PDZRN4: variants seen among roughly 807,000 people sequenced by gnomAD.
The protein encoded by PDZRN4 is PDZ domain containing ring finger 4.
Under a neutral mutation model 99.0 loss-of-function variants are expected in PDZRN4, and 70 were observed. The observed-to-expected ratio is 0.71, with a 90% CI of 0.58 to 0.86. PDZRN4 has a LOEUF of 0.86. PDZRN4 is among the 40% of genes least tolerant of loss of function. The pLI, the probability that PDZRN4 is intolerant of heterozygous loss-of-function variation, is 0.00. For missense variants in PDZRN4, 1,474 were observed against 1,331.2 expected (o/e 1.11, Z -1.67); for synonymous variants, 551 against 501.6 (o/e 1.10, Z -1.32).
intron 3 of PDZRN4, among the ~76,000 whole-genome samples, chr12:41,371,350 TG>T (rs1478066543): frequency 6.6e-6 from 1 of 151,948 alleles, no homozygotes; most frequent in Non-Finnish European, 1.5e-5. Context: ...TTTACATTAT[TG>T]TTTCATTGTT....
intron 3 of PDZRN4, chr12:41,437,737 G>A (rs1485652652): frequency 6.8e-7 from 1 of 1,469,296 alleles, no homozygotes; most frequent in Non-Finnish European, 8.9e-7. Context: ...ATCCGTGAGT[G>A]CAAGATACTT....
chr12:41,411,460 G>C (rs1017188121), intron 3 of PDZRN4: 2 of 152,144 alleles, frequency 1.3e-5, no homozygotes, highest in Non-Finnish European at 2.9e-5. Context: ...TTGCACCTGT[G>C]AGTGAGAACT....
chr12:41,338,029 G>T (rs1210989047), intron 3 of PDZRN4, among the ~76,000 whole-genome samples: 1 of 152,058 alleles, frequency 6.6e-6, no homozygotes, highest in Non-Finnish European at 1.5e-5. Context: ...AAGCAGCTGG[G>T]ACTACATGTG....
chr12:41,203,751 A>G (rs1438525998), intron 3 of PDZRN4, among the ~76,000 whole-genome samples: 1 of 152,034 alleles, frequency 6.6e-6, no homozygotes, highest in Non-Finnish European at 1.5e-5. Context: ...TAAGAATTAT[A>G]TAAGTGATTC....
chr12:41,552,893 T>C, intron 6 of PDZRN4, 139 bp downstream of exon 6: 1 of 592,528 alleles, frequency 1.7e-6, no homozygotes, highest in South Asian at 2.1e-5. Context: ...ACGTGTCACC[T>C]TCAATTAGGA....
chr12:41,224,233 T>TG (rs113726514), intron 3 of PDZRN4, among the ~76,000 whole-genome samples: 3,710 of 152,302 alleles, frequency 0.024, 113 homozygotes, highest in African/African-American at 0.072. Context: ...GCACTTGAGT[T>TG]GGGCTTTTAT....
chr12:41,349,244 A>G (rs1362220234), intron 3 of PDZRN4, among the ~76,000 whole-genome samples: 2 of 151,796 alleles, frequency 1.3e-5, no homozygotes, highest in African/African-American at 4.8e-5. Context: ...ACTTCTTTTC[A>G]CTGTATTATT....
intron 5 of PDZRN4, among the ~76,000 whole-genome samples, chr12:41,533,088 C>A (rs923844819): frequency 6.6e-6 from 1 of 151,812 alleles, no homozygotes; most frequent in African/African-American, 2.4e-5. Flanking sequence ...CTAATTCTGT[C>A]ATTTTTTTTT....
intron 3 of PDZRN4, among the ~76,000 whole-genome samples, chr12:41,215,000 T>C (rs973102258): frequency 1.2e-4 from 19 of 152,100 alleles, no homozygotes; most frequent in Admixed American, 2.6e-4. Flanking sequence ...GTGAGATATA[T>C]TTGTGAAATT....
At chr12:41,207,975 A>G (rs181938404) in intron 3 of PDZRN4, among the ~76,000 whole-genome samples, 6 of 151,930 alleles carry the variant, frequency 3.9e-5, no homozygotes, top group Admixed American at 1.3e-4. Flanking sequence ...TCAATGAAAT[A>G]TAGTGATCAT....
chr12:41,424,008 T>C (rs948781791), intron 3 of PDZRN4, among the ~76,000 whole-genome samples: 3 of 152,160 alleles, frequency 2.0e-5, no homozygotes, highest in African/African-American at 7.2e-5. Context: ...CTCATATGGC[T>C]CCATTACTCT....
At chr12:41,252,921 A>T (rs1339917869) in intron 3 of PDZRN4, among the ~76,000 whole-genome samples, 1 of 152,186 alleles carries the variant, frequency 6.6e-6, no homozygotes, top group Non-Finnish European at 1.5e-5. Context: ...ATATATACTT[A>T]AAATGGGTAT....
chr12:41,376,518 AT>A (rs1565566072), intron 3 of PDZRN4, among the ~76,000 whole-genome samples: 2 of 152,104 alleles, frequency 1.3e-5, no homozygotes, highest in African/African-American at 4.8e-5. Context: ...CTGGCCATCC[AT>A]ATGTCTTCTT....
intron 3 of PDZRN4, among the ~76,000 whole-genome samples, chr12:41,446,630 T>C (rs192172475): frequency 3.2e-4 from 48 of 151,892 alleles, no homozygotes; most frequent in South Asian, 2.1e-3. Flanking sequence ...TGCTAGATAG[T>C]AACACAGGAC....
chr12:41,551,188 C>CTG (rs1939047519), intron 5 of PDZRN4, among the ~76,000 whole-genome samples: 2 of 151,936 alleles, frequency 1.3e-5, no homozygotes, highest in African/African-American at 4.8e-5. Flanking sequence ...TCATAGAGGT[C>CTG]ACCTTCTCAC....
intron 3 of PDZRN4, among the ~76,000 whole-genome samples, chr12:41,276,434 G>A (rs1341568494): frequency 6.6e-6 from 1 of 151,754 alleles, no homozygotes; most frequent in Non-Finnish European, 1.5e-5. Context: ...GATAGACCTG[G>A]GGATTATTTT....
chr12:41,283,063 CA>C (rs1184445074), intron 3 of PDZRN4, among the ~76,000 whole-genome samples: 8 of 145,914 alleles, frequency 5.5e-5, no homozygotes, highest in Non-Finnish European at 7.5e-5. Flanking sequence ...GAAAACCCTC[CA>C]AAAAAATCAA....
chr12:41,557,862 T>C lies in PDZRN4; in HGVS notation c.1365+2102T>C, dbSNP rs73113958. On this transcript the variant is annotated intron_variant, in intron 7 of 9. Coordinates refer to ENST00000402685, the MANE Select transcript of PDZRN4 (RefSeq NM_001164595.2). ...AAACAAAATGGAACTACGTCTATCATACACAGGGGAATGAAAAGTGGACCA... is the reference window on the plus strand; with the variant it reads ...AAACAAAATGGAACTACGTCTATCACACACAGGGGAATGAAAAGTGGACCA... Among the ~76,000 whole-genome samples the C allele has an allele frequency of 8.3e-3, 1,261 of 152,306 alleles. 5 individuals carry two copies. The highest frequency in any genetic ancestry group is 0.027 in the Middle Eastern group (8 of 294).
chr12:41,521,574 G>A (rs1938493595), intron 5 of PDZRN4, among the ~76,000 whole-genome samples: 1 of 152,078 alleles, frequency 6.6e-6, no homozygotes, highest in African/African-American at 2.4e-5. Flanking sequence ...TTGACATGGT[G>A]CATATGAACC....
Sources: allele counts gnomAD v4.1 joint callset (sites outside exome capture counted in the v4.1 genomes callset), GRCh38; gene constraint gnomAD v4.1.1; transcripts MANE v1.5; gene names NCBI Gene and HGNC (gene_info 2026-07-23, HGNC 2026-07-21).